Variants in CTNNA2 observed in about 807,000 individuals in gnomAD.
CTNNA2 encodes catenin alpha-2.
Under a neutral mutation model 101.0 loss-of-function variants are expected in CTNNA2, and 42 were observed. That is an observed-to-expected ratio of 0.42 (90% CI 0.32 to 0.54). CTNNA2 has a LOEUF of 0.54. Among genes scored for constraint, CTNNA2 ranks in the 20% least tolerant of loss-of-function variants. CTNNA2 has a pLI of 0.14. For missense variants in CTNNA2, 871 were observed against 1,223.1 expected, an observed-to-expected ratio of 0.71 and a Z score of 4.29; for synonymous variants, 450 against 456.4, an observed-to-expected ratio of 0.99 and a Z score of 0.18.
chr2:79,247,337 A>C (rs1474053347), intron 2 of CTNNA2, among the ~76,000 whole-genome samples: 2 of 152,248 alleles, frequency 1.3e-5, no homozygotes, highest in African/African-American at 4.8e-5. Context: ...TGCAAGTATC[A>C]AATGAAATAA....
At chr2:79,204,290 T>C (rs1472296905) in intron 2 of CTNNA2, among the ~76,000 whole-genome samples, 9 of 152,246 alleles carry the variant, frequency 5.9e-5, no homozygotes, top group Non-Finnish European at 2.9e-5. Context: ...TTTTGGCAGC[T>C]CTTTCTTCAT....
intron 7 of CTNNA2, among the ~76,000 whole-genome samples, chr2:79,983,849 T>A (rs1209562644): frequency 6.6e-6 from 1 of 152,214 alleles, no homozygotes; most frequent in Non-Finnish European, 1.5e-5. Context: ...TAAATGAATG[T>A]TGAAGGGCTA....
In CTNNA2 at chr2:79,696,146, C is replaced by T. The variant is rs1004693705; in HGVS notation, c.102+44488C>T. ...AACAAACAATATAAAAGCCAAAAAC[C>T]GAAGCCAAAAAGCAAGGTTACAAAG... On this transcript the variant is annotated intron_variant, in intron 2 of 18. Transcript: ENST00000402739. Among the ~76,000 whole-genome samples the T allele has an allele frequency of 2.6e-5, 4 of 152,038 alleles. No individual in the cohort carries two copies. In the East Asian group the frequency reaches 5.8e-4, roughly 22 times the overall value.
rs186146660 is a variant in CTNNA2 at position 80,289,407 on chromosome 2, G to A, written c.1057-103804G>A. Among the ~76,000 whole-genome samples, 7 of 152,146 alleles carry A rather than the reference G, an allele frequency of 4.6e-5. No homozygotes were observed. In the South Asian group the frequency reaches 1.0e-3, roughly 23 times the overall value. On this transcript the variant is annotated intron_variant, in intron 7 of 18. Transcript: ENST00000402739. ...CCTACTAATCTCTACCCCAGTTCTC[G>A]CCTCTTTAGAGATAATTTTTATATT...
chr2:79,656,957 C>T (rs1681653073), intron 2 of CTNNA2, among the ~76,000 whole-genome samples: 2 of 151,542 alleles, frequency 1.3e-5, no homozygotes. Context: ...ACAAAATAGG[C>T]ACATCCAGTA....
chr2:79,759,178 A>G (rs1672603088), intron 3 of CTNNA2, among the ~76,000 whole-genome samples: 2 of 152,092 alleles, frequency 1.3e-5, no homozygotes, highest in Non-Finnish European at 2.9e-5. Context: ...TTAAAAATGA[A>G]TGAAAAGCCA....
intron 4 of CTNNA2, among the ~76,000 whole-genome samples, chr2:79,431,007 G>A (rs1342263793): frequency 6.6e-6 from 1 of 152,136 alleles, no homozygotes; most frequent in Non-Finnish European, 1.5e-5. Context: ...AGGAAGCCAA[G>A]CATTGCTGGA....
chr2:79,755,563 T>C (rs925404), intron 3 of CTNNA2, among the ~76,000 whole-genome samples: 73,752 of 151,878 alleles, frequency 0.49, 20,417 homozygotes, highest in East Asian at 0.79. Flanking sequence ...TCACAGACCA[T>C]CTGGTTCAGA....
chr2:80,283,575 G>A (rs1222313439), intron 7 of CTNNA2, among the ~76,000 whole-genome samples: 1 of 152,148 alleles, frequency 6.6e-6, no homozygotes, highest in African/African-American at 2.4e-5. Flanking sequence ...TAAGTTTTCA[G>A]TGAGTATTGC....
chr2:79,868,673 GC>G (rs1682335208), intron 4 of CTNNA2, among the ~76,000 whole-genome samples: 1 of 152,202 alleles, frequency 6.6e-6, no homozygotes. Context: ...AATTACAAGA[GC>G]CGATCTGAAT....
intron 3 of CTNNA2, among the ~76,000 whole-genome samples, chr2:79,744,897 A>G (rs1018224764): frequency 5.9e-5 from 9 of 152,338 alleles, no homozygotes; most frequent in Admixed American, 2.0e-4. Flanking sequence ...CCTAACGTTT[A>G]TAGAGTCAAT....
chr2:79,295,596 C>T (rs1186901525), intron 2 of CTNNA2, among the ~76,000 whole-genome samples: 2 of 151,594 alleles, frequency 1.3e-5, no homozygotes, highest in Admixed American at 1.3e-4. Flanking sequence ...ATTTTTCTAC[C>T]CCTGCCCATA....
chr2:79,651,720 TC>T, intron 2 of CTNNA2, 62 bp downstream of exon 2: 1 of 1,424,328 alleles, frequency 7.0e-7, no homozygotes, highest in Non-Finnish European at 9.9e-7. Flanking sequence ...ATATCCTGAC[TC>T]TTGGAAAAAC....
chr2:79,902,503 G>A (rs1448270047), intron 6 of CTNNA2, among the ~76,000 whole-genome samples: 1 of 152,070 alleles, frequency 6.6e-6, no homozygotes, highest in Non-Finnish European at 1.5e-5. Flanking sequence ...ACTACCCGAT[G>A]TTCATATACT....
intron 2 of CTNNA2, among the ~76,000 whole-genome samples, chr2:79,652,732 T>C (rs1009082957): frequency 3.9e-5 from 6 of 152,140 alleles, no homozygotes; most frequent in Non-Finnish European, 7.3e-5. Context: ...TGGAGTTGCT[T>C]TGAGGACCAT....
chr2:80,143,252 C>G (rs12477608), intron 7 of CTNNA2, among the ~76,000 whole-genome samples: 19,943 of 152,112 alleles, frequency 0.13, 2,177 homozygotes, highest in African/African-American at 0.3. Flanking sequence ...AGTGAACATT[C>G]CTGAAGGACA....
chr2:80,011,796 A>G (rs999085766), intron 7 of CTNNA2, among the ~76,000 whole-genome samples: 1 of 152,168 alleles, frequency 6.6e-6, no homozygotes. Context: ...ACGATGTTCC[A>G]GTATCTATGT....
intron 4 of CTNNA2, among the ~76,000 whole-genome samples, chr2:79,447,394 CA>C (rs1440858311): frequency 6.6e-6 from 1 of 151,966 alleles, no homozygotes; most frequent in Non-Finnish European, 1.5e-5. Flanking sequence ...CTCCTTCCTG[CA>C]ATAACACAAC....
chr2:80,455,366 T>C (rs1025628604), intron 9 of CTNNA2, among the ~76,000 whole-genome samples: 11 of 152,174 alleles, frequency 7.2e-5, no homozygotes, highest in African/African-American at 2.4e-4. Context: ...AGGTCATCTC[T>C]CTATCAGGAG....
Sources: gnomAD v4.1 joint callset for allele counts (sites outside exome capture counted in the v4.1 genomes callset) on GRCh38, gnomAD v4.1.1 for gene constraint, MANE v1.5 for transcripts, NCBI Gene and HGNC (gene_info 2026-07-23, HGNC 2026-07-21) for gene names.